The following IFT81 variants were observed in gnomAD, a reference collection of about 807,000 sequenced individuals.
IFT81 encodes intraflagellar transport 81.
Under a neutral mutation model 102.6 loss-of-function variants are expected in IFT81, and 72 were observed. That is an observed-to-expected ratio of 0.70 (90% CI 0.58 to 0.85). IFT81 has a LOEUF of 0.85. Ranked by LOEUF, IFT81 falls within the 40% of genes least tolerant of loss-of-function variation. The probability of loss-of-function intolerance (pLI) is 0.00; values close to 1 mark genes in which losing one functional copy is unlikely to be tolerated. For synonymous variants in IFT81, 237 were observed against 242.7 expected, an observed-to-expected ratio of 0.98 and a Z score of 0.22; for missense variants, 723 against 787.3, an observed-to-expected ratio of 0.92 and a Z score of 0.98.
At chr12:110,169,905 A>G (rs974509014) in intron 11 of IFT81, among the ~76,000 whole-genome samples, 8 of 152,028 alleles carry the variant, frequency 5.3e-5, no homozygotes, top group Non-Finnish European at 8.8e-5. Flanking sequence ...ACTAAGTAGA[A>G]GAACATTGGA....
intron 9 of IFT81, among the ~76,000 whole-genome samples, chr12:110,145,712 G>A (rs1335375660): frequency 6.6e-6 from 1 of 152,030 alleles, no homozygotes; most frequent in Non-Finnish European, 1.5e-5. Context: ...TGGGATTACA[G>A]GTGTGAGCCA....
chr12:110,182,393 T>C (rs1897341017), intron 12 of IFT81, among the ~76,000 whole-genome samples: 1 of 152,200 alleles, frequency 6.6e-6, no homozygotes, highest in Admixed American at 6.5e-5. Context: ...CTTCCTTTAC[T>C]ATCCATTCTA....
At chr12:110,173,133 G>A (rs1398052352) in intron 11 of IFT81, among the ~76,000 whole-genome samples, 8 of 143,278 alleles carry the variant, frequency 5.6e-5, no homozygotes, top group African/African-American at 1.6e-4. Context: ...TCAGCCCCCC[G>A]CCCGGCCAGC....
intron 18 of IFT81, chr12:110,216,559 C>T: frequency 4.4e-6 from 2 of 453,480 alleles, no homozygotes; most frequent in South Asian, 1.6e-5. Flanking sequence ...ACTCTGTTGC[C>T]CAGGCTGGAG....
At position 110,207,950 on chromosome 12, in the gene IFT81, T is replaced by A. The variant is rs548707463; in HGVS notation, c.1803-1221T>A. On this transcript the variant is annotated intron_variant, in intron 17 of 18. Coordinates refer to ENST00000242591, the MANE Select transcript of IFT81 (RefSeq NM_014055.4). ...TATGTTTTTAATTTTTACATTAAAA[T>A]TTTTTTTTTAGCTTACAAAAGAAAT... is the stretch of plus-strand genomic sequence containing the variant. Among the ~76,000 whole-genome samples, 94 of 148,386 alleles carry A rather than the reference T, an allele frequency of 6.3e-4. No homozygotes were observed. The East Asian group carries it at 9.9e-3, about 16-fold the overall frequency.
chr12:110,170,097 T>C (rs1348238374), intron 11 of IFT81, among the ~76,000 whole-genome samples: 5 of 151,854 alleles, frequency 3.3e-5, no homozygotes, highest in East Asian at 3.9e-4. Flanking sequence ...GGACTACAGG[T>C]GCCCGCCACC....
In IFT81 at chr12:110,217,324, C is replaced by T. The variant is rs61374086; in HGVS notation, c.1849-720C>T. Among the ~76,000 whole-genome samples, 204 of 152,228 alleles carry T rather than the reference C, an allele frequency of 1.3e-3. 1 individual carries two copies. Among genetic ancestry groups the T allele is most frequent in the African/African-American group, 4.8e-3 (199 of 41,536 alleles). ...CCTCCCAAAGTGCTGGGATTACAGT[C>T]GTGAGCCACCATGCCTGGTCTATTA... On this transcript the variant is annotated intron_variant, in intron 18 of 18. Transcript: ENST00000242591.
At chr12:110,167,883 A>G in intron 11 of IFT81, 1 of 238,958 alleles carries the variant, frequency 4.2e-6, no homozygotes, top group Non-Finnish European at 7.9e-6. Flanking sequence ...ACAGGATCTC[A>G]CTCTGTCACC....
In IFT81 at chr12:110,205,583, CTT is replaced by C; in HGVS notation, c.1717-10_1717-9del. 6.3e-7 allele frequency: 1 copy of C among 1,596,360 alleles called. No individual in the cohort carries two copies. Among genetic ancestry groups the C allele is most frequent in the Non-Finnish European group, 8.5e-7 (1 of 1,174,040 alleles). On this transcript the variant is annotated splice_polypyrimidine_tract_variant and intron_variant, in intron 16 of 18. Transcript: ENST00000242591. ...TCAAAGTCTTCCCTAAAACTGAAGT[CTT>C]TCTATTTAGAACCTAGAAGTTCAAC...
In IFT81 at chr12:110,135,340, A is replaced by G. The variant is rs1171442399; in HGVS notation, c.599A>G (p.Gln200Arg). 5 of 1,610,192 alleles carry G rather than the reference A, an allele frequency of 3.1e-6. No individual in the cohort carries two copies. The highest frequency in any genetic ancestry group is 1.3e-5 in the African/African-American group (1 of 74,850). The change falls in exon 7 of 19, where the codon CAG (glutamine) becomes CGG (arginine). Residue 200 changes from glutamine to arginine, a missense_variant. Gln to Arg is a conservative substitution (Grantham distance 43). Transcript: ENST00000242591. ...EHLKKRVETA[Q>R]NHQWMLKIAR... ...CCCTTACTGTAGGTTGAGACAGCTC[A>G]GAATCATCAATGGATGCTTAAAATA... is the stretch of plus-strand genomic sequence containing the variant.
chr12:110,188,489 C>CT (rs1343012092), intron 12 of IFT81, among the ~76,000 whole-genome samples: 1 of 151,894 alleles, frequency 6.6e-6, no homozygotes. Flanking sequence ...CCCTCTACCC[C>CT]TTTAGGTCCC....
At chr12:110,196,230 C>T (rs1242937709) in intron 14 of IFT81, among the ~76,000 whole-genome samples, 1 of 151,968 alleles carries the variant, frequency 6.6e-6, no homozygotes, top group Non-Finnish European at 1.5e-5. Flanking sequence ...AGCAAAAAAC[C>T]AAGACAGACC....
At chr12:110,171,767 T>C (rs940680557) in intron 11 of IFT81, 1 of 152,212 alleles carries the variant, frequency 6.6e-6, no homozygotes, top group African/African-American at 2.4e-5. Context: ...AATAATTTAT[T>C]GGAGCGTGAC....
intron 12 of IFT81, among the ~76,000 whole-genome samples, chr12:110,182,572 G>C (rs1897350124): frequency 6.6e-6 from 1 of 152,176 alleles, no homozygotes; most frequent in Non-Finnish European, 1.5e-5. Flanking sequence ...GGAGTACCAA[G>C]ATATGCCCTA....
intron 17 of IFT81, among the ~76,000 whole-genome samples, chr12:110,208,758 G>T (rs570632919): frequency 2.4e-4 from 36 of 152,226 alleles, no homozygotes; most frequent in African/African-American, 7.5e-4. Context: ...GGATATTTTT[G>T]TAGGATGACT....
intron 12 of IFT81, among the ~76,000 whole-genome samples, chr12:110,186,238 C>CTTGT (rs139841661): frequency 0.026 from 3,936 of 150,886 alleles, 85 homozygotes; most frequent in African/African-American, 0.058. Flanking sequence ...AACTGTACAT[C>CTTGT]TTGTTTGTTT....
At chr12:110,203,038 G>A (rs1158998525) in intron 14 of IFT81, among the ~76,000 whole-genome samples, 1 of 152,100 alleles carries the variant, frequency 6.6e-6, no homozygotes, top group Non-Finnish European at 1.5e-5. Flanking sequence ...GGCCGAGGTA[G>A]GTGGATCACC....
intron 9 of IFT81, 110 bp downstream of exon 9, chr12:110,143,655 T>C (rs916643786): frequency 2.3e-6 from 2 of 862,540 alleles, no homozygotes; most frequent in African/African-American, 1.8e-5. Context: ...TAAATTAACC[T>C]GTGCTAAGAG....
At chr12:110,171,436 A>C (rs1896720164) in intron 11 of IFT81, among the ~76,000 whole-genome samples, 1 of 152,180 alleles carries the variant, frequency 6.6e-6, no homozygotes, top group African/African-American at 2.4e-5. Flanking sequence ...AATTTCATTT[A>C]ATACAGATTT....
Sources: allele counts gnomAD v4.1 joint callset (sites outside exome capture counted in the v4.1 genomes callset), GRCh38; gene constraint gnomAD v4.1.1; transcripts MANE v1.5; gene names NCBI Gene and HGNC (gene_info 2026-07-23, HGNC 2026-07-21).